The following DNM3 variants were observed in gnomAD, a reference collection of about 807,000 sequenced individuals.
The protein encoded by DNM3 is dynamin-3.
In DNM3, 47 loss-of-function variants were observed where a neutral mutation model predicts 101.6. That is an observed-to-expected ratio of 0.46 (90% CI 0.37 to 0.59). The LOEUF is 0.59. DNM3 is among the 20% of genes least tolerant of loss of function. The pLI is 0.00. For missense variants in DNM3, 849 were observed against 1,085.7 expected (o/e 0.78, Z 3.06); for synonymous variants, 385 against 387.9 (o/e 0.99, Z 0.09).
chr1:172,073,820 T>C (rs1305610190), intron 11 of DNM3, among the ~76,000 whole-genome samples: 7 of 152,200 alleles, frequency 4.6e-5, no homozygotes, highest in Admixed American at 4.6e-4. Context: ...CAGGATTCAG[T>C]TGGGAGAACA....
intron 4 of DNM3, among the ~76,000 whole-genome samples, chr1:171,989,636 T>C (rs547987354): frequency 5.3e-5 from 8 of 152,288 alleles, no homozygotes; most frequent in Admixed American, 3.9e-4. Context: ...AATGTACGTA[T>C]AAGCAGGGAT....
chr1:172,388,441 C>T (rs2069326245), intron 19 of DNM3, 132 bp from the exon 20 acceptor site: 1 of 798,680 alleles, frequency 1.3e-6, no homozygotes, highest in Admixed American at 2.7e-5. Context: ...ATCCCTTTGA[C>T]TTTCATGACA....
At chr1:172,132,818 A>G in intron 14 of DNM3, 1 of 718,100 alleles carries the variant, frequency 1.4e-6, no homozygotes, top group Non-Finnish European at 2.5e-6. Context: ...ATTGTTGATG[A>G]GAAAACTAAA....
downstream of DNM3, among the ~76,000 whole-genome samples, chr1:172,414,631 C>T (rs1320597830): frequency 1.3e-5 from 2 of 152,014 alleles, no homozygotes; most frequent in East Asian, 3.9e-4. Flanking sequence ...TCAGTACAGA[C>T]TCTCACTAAC....
At chr1:172,258,067 A>C (rs1367926296) in intron 15 of DNM3, among the ~76,000 whole-genome samples, 1 of 152,150 alleles carries the variant, frequency 6.6e-6, no homozygotes, top group East Asian at 1.9e-4. Flanking sequence ...TACTTGACTT[A>C]ACATAGTGAT....
intron 15 of DNM3, among the ~76,000 whole-genome samples, chr1:172,289,081 A>G (rs901206347): frequency 6.6e-6 from 1 of 152,146 alleles, no homozygotes; most frequent in Non-Finnish European, 1.5e-5. Flanking sequence ...TACTAGCCCC[A>G]GGAGAAGCTC....
chr1:172,033,642 A>G (rs2048767446), intron 6 of DNM3, among the ~76,000 whole-genome samples: 1 of 152,188 alleles, frequency 6.6e-6, no homozygotes, highest in Non-Finnish European at 1.5e-5. Flanking sequence ...TGTAATGGCT[A>G]GGTTACACTT....
chr1:172,390,148 G>T (rs1309506168), intron 20 of DNM3, among the ~76,000 whole-genome samples: 2 of 152,136 alleles, frequency 1.3e-5, no homozygotes, highest in Non-Finnish European at 2.9e-5. Context: ...AAATTCAATA[G>T]ACTTGGCTTA....
At chr1:172,415,255 A>G (rs946004407), downstream of DNM3, 1 of 152,226 alleles carries the variant, frequency 6.6e-6, no homozygotes, top group Non-Finnish European at 1.5e-5. Context: ...TTGAGTCTTA[A>G]TGAGACTTAT....
chr1:172,236,354 A>G (rs2061545328), intron 14 of DNM3, among the ~76,000 whole-genome samples: 1 of 152,178 alleles, frequency 6.6e-6, no homozygotes, highest in Non-Finnish European at 1.5e-5. Flanking sequence ...TACTTCAAGA[A>G]TTGAGACTTT....
chr1:172,216,963 A>G (rs1054049710), intron 14 of DNM3, among the ~76,000 whole-genome samples: 1 of 152,166 alleles, frequency 6.6e-6, no homozygotes, highest in African/African-American at 2.4e-5. Context: ...TCATTTCACT[A>G]CCAGCCAACC....
intron 10 of DNM3, among the ~76,000 whole-genome samples, chr1:172,049,559 T>G (rs1308775047): frequency 6.6e-6 from 1 of 152,158 alleles, no homozygotes; most frequent in Non-Finnish European, 1.5e-5. Context: ...GGAGAACATG[T>G]GCTGAATTCC....
chr1:172,101,497 G>A (rs1050308455), intron 13 of DNM3, among the ~76,000 whole-genome samples: 10 of 152,154 alleles, frequency 6.6e-5, no homozygotes, highest in African/African-American at 2.4e-4. Context: ...GATAATAATA[G>A]TAACTGTTTC....
intron 4 of DNM3, among the ~76,000 whole-genome samples, chr1:171,995,742 A>G (rs1388469280): frequency 6.6e-6 from 1 of 152,158 alleles, no homozygotes; most frequent in Non-Finnish European, 1.5e-5. Context: ...TCACCACTTA[A>G]TGTACATCTT....
At chr1:172,417,174 C>T (rs1047717030), downstream of DNM3, among the ~76,000 whole-genome samples, 7 of 152,038 alleles carry the variant, frequency 4.6e-5, no homozygotes, top group African/African-American at 1.7e-4. Flanking sequence ...TGTTGAACAC[C>T]TGGATAAGAA....
intron 20 of DNM3, chr1:172,399,693 T>G (rs1167466914): frequency 1.3e-5 from 2 of 152,110 alleles, no homozygotes; most frequent in East Asian, 1.9e-4. Flanking sequence ...ATGTTAGAGC[T>G]CCTCCTGCTG....
At chr1:172,080,730 G>A (rs2053072688) in intron 11 of DNM3, among the ~76,000 whole-genome samples, 1 of 152,168 alleles carries the variant, frequency 6.6e-6, no homozygotes. Flanking sequence ...CCAGTTTTGT[G>A]CTTGAAACCC....
At chr1:172,204,535 A>G (rs1302615805) in intron 14 of DNM3, among the ~76,000 whole-genome samples, 1 of 152,040 alleles carries the variant, frequency 6.6e-6, no homozygotes. Context: ...AAATTGGTTT[A>G]TTTTTTGCCT....
At chr1:172,417,106 T>C (rs914750801), downstream of DNM3, among the ~76,000 whole-genome samples, 3 of 152,096 alleles carry the variant, frequency 2.0e-5, no homozygotes, top group Non-Finnish European at 2.9e-5. Flanking sequence ...ATAGACTTCA[T>C]TGCTCCACTC....
Sources: gnomAD v4.1 joint callset for allele counts (sites outside exome capture counted in the v4.1 genomes callset) on GRCh38, gnomAD v4.1.1 for gene constraint, MANE v1.5 for transcripts, NCBI Gene and HGNC (gene_info 2026-07-23, HGNC 2026-07-21) for gene names.